FUT8: variants seen among roughly 807,000 people sequenced by gnomAD.
FUT8 encodes alpha-(1,6)-fucosyltransferase.
Under a neutral mutation model 71.3 loss-of-function variants are expected in FUT8, and 29 were observed. The ratio of observed to expected loss-of-function variants is 0.41; its 90% CI spans 0.30 to 0.55. The LOEUF (loss-of-function observed/expected upper bound fraction) is 0.55. Ranked by LOEUF, FUT8 falls within the 20% of genes least tolerant of loss-of-function variation. FUT8 has a pLI of 0.34. For synonymous variants in FUT8, 254 were observed against 239.3 expected (o/e 1.06, Z -0.57); for missense variants, 544 against 702.1 (o/e 0.77, Z 2.55).
chr14:65,504,219 T>A (rs1027407001), intron 2 of FUT8, among the ~76,000 whole-genome samples: 37 of 152,146 alleles, frequency 2.4e-4, no homozygotes, highest in Non-Finnish European at 4.1e-4. Context: ...GGATTAAAAA[T>A]TTTTTTTAAC....
chr14:65,539,202 A>G lies in FUT8; in HGVS notation c.-227-22135A>G, dbSNP rs143125077. ...GTCTACCTGTAGTGTTACCTAGGCA[A>G]TATGGATGTACACTGTATTTCATCG... On this transcript the variant is annotated intron_variant, in intron 2 of 10. Transcript: ENST00000673929. 5.0e-3 allele frequency among the ~76,000 whole-genome samples: 757 copies of G among 152,356 alleles called. 8 individuals are homozygous for G. Among genetic ancestry groups the G allele is most frequent in the African/African-American group, 0.017 (720 of 41,586 alleles).
At chr14:65,558,103 G>T (rs1885694040) in intron 2 of FUT8, among the ~76,000 whole-genome samples, 1 of 151,972 alleles carries the variant, frequency 6.6e-6, no homozygotes, top group Non-Finnish European at 1.5e-5. Context: ...GGCTGAGGCA[G>T]GTGGATCACT....
chr14:65,570,324 T>A (rs1886402099), intron 3 of FUT8, among the ~76,000 whole-genome samples: 1 of 152,034 alleles, frequency 6.6e-6, no homozygotes. Context: ...CATAGCTAGT[T>A]CAGCCTGCTC....
At chr14:65,471,646 CTCTA>C (rs1465670792) in intron 2 of FUT8, among the ~76,000 whole-genome samples, 1 of 152,088 alleles carries the variant, frequency 6.6e-6, no homozygotes, top group Non-Finnish European at 1.5e-5. Flanking sequence ...CACTGTGATT[CTCTA>C]TCTGCCTGTC....
Position 65,467,723 on chromosome 14 carries a change from C to T in FUT8, c.-228+12005C>T. 2.2e-6 allele frequency: 1 copy of T among 457,990 alleles called. No homozygotes were observed. The highest frequency in any genetic ancestry group is 5.0e-5 in the East Asian group (1 of 20,102). The allele number at this position is 457,990 out of a possible 1,614,324, so 28.4% of individuals were successfully genotyped here. A position where few individuals can be genotyped will look rare whatever the true frequency, so the allele number is the denominator to read the frequency against. On this transcript the variant is annotated intron_variant, in intron 2 of 10. Transcript: ENST00000673929. The surrounding 1 kb of genome is among the most constrained non-coding windows in gnomAD (Gnocchi z 4.1). ...ACTCCTGACCTCATGGTCTGCCCGCCTCAGCCTCCCAAAGTGCTGGGATTA... is the reference window on the plus strand; with the variant it reads ...ACTCCTGACCTCATGGTCTGCCCGCTTCAGCCTCCCAAAGTGCTGGGATTA...
intron 10 of FUT8, among the ~76,000 whole-genome samples, chr14:65,738,346 G>A (rs950024086): frequency 6.6e-6 from 1 of 152,020 alleles, no homozygotes; most frequent in Non-Finnish European, 1.5e-5. Context: ...CTCTGAGAAA[G>A]CTTTGGAGGC....
Position 65,603,523 on chromosome 14 carries a change from G to A in FUT8, c.204-12455G>A, listed in dbSNP as rs1171885627. The stretch of plus-strand genomic sequence containing the variant: ...TTTTCTAATTCTGTAAAGAATGATG[G>A]CGGTATTTTGATGGGGATTGCATTG... On this transcript the variant is annotated intron_variant, in intron 3 of 10. Transcript: ENST00000673929. The surrounding 1 kb of genome is among the most constrained non-coding windows in gnomAD (Gnocchi z 4.5). 2.0e-5 allele frequency among the ~76,000 whole-genome samples: 3 copies of A among 151,602 alleles called. No homozygotes were observed. The highest frequency in any genetic ancestry group is 7.3e-5 in the African/African-American group (3 of 41,306).
At chr14:65,394,849 G>A in the FUT8 span, among the ~76,000 whole-genome samples, 2 of 151,266 alleles carry the variant, frequency 1.3e-5, no homozygotes, top group Admixed American at 6.6e-5. Context: ...AGGTTCAAGC[G>A]ATTCTTCTGC....
intron 7 of FUT8, among the ~76,000 whole-genome samples, chr14:65,697,807 C>A (rs1276503769): frequency 6.6e-6 from 1 of 152,060 alleles, no homozygotes; most frequent in Non-Finnish European, 1.5e-5. Flanking sequence ...AACCCCATTT[C>A]TACTAAAAAT....
rs2065174877 is a variant in FUT8, at chr14:65,413,635, G to C, written c.-326+421G>C. Among the ~76,000 whole-genome samples the C allele has an allele frequency of 2.0e-5, 3 of 152,226 alleles. No homozygotes were observed. In the South Asian group the frequency reaches 6.2e-4, roughly 31 times the overall value. On this transcript the variant is annotated intron_variant, in intron 1 of 10. Transcript: ENST00000673929. The surrounding 1 kb of genome is among the most constrained non-coding windows in gnomAD (Gnocchi z 4.1). ...GGTCCCTGGAGTCGCGGTTTGTGGG[G>C]AGGAAGATGCCCGTGCGTTATGGGC...
chr14:65,549,367 T>C (rs1885155490), intron 2 of FUT8, among the ~76,000 whole-genome samples: 2 of 152,274 alleles, frequency 1.3e-5, no homozygotes, highest in Non-Finnish European at 2.9e-5. Flanking sequence ...TACTAGATTG[T>C]ATTTTTTTCT....
In FUT8 at chr14:65,652,380, C is replaced by A. The variant is rs1170717490; in HGVS notation, c.598-16863C>A. ...GTGGGAACGTCAGAGAAATGTTTTT[C>A]TTTCTGATAAAAATGGAGAGCACAT... is the stretch of plus-strand genomic sequence containing the variant. On this transcript the variant is annotated intron_variant, in intron 6 of 10. Transcript: ENST00000673929. This position sits in a 1 kb window ranked among gnomAD's most constrained non-coding sequence, Gnocchi z 4.0. Among the ~76,000 whole-genome samples the A allele has an allele frequency of 6.6e-6, 1 of 152,118 alleles. No individual in the cohort carries two copies. The highest frequency in any genetic ancestry group is 2.4e-5 in the African/African-American group (1 of 41,410).
intron 1 of FUT8, among the ~76,000 whole-genome samples, chr14:65,418,651 G>A (rs1221600505): frequency 2.0e-5 from 3 of 152,206 alleles, no homozygotes; most frequent in African/African-American, 7.2e-5. Context: ...CATACTGGTT[G>A]ATGAGCTTGC....
At chr14:65,399,368 C>G in the FUT8 span, among the ~76,000 whole-genome samples, 2 of 152,138 alleles carry the variant, frequency 1.3e-5, no homozygotes, top group African/African-American at 4.8e-5. Flanking sequence ...ACAATCAAAA[C>G]AGACCACTGA....
At chr14:65,580,368 G>A (rs564445117) in intron 3 of FUT8, among the ~76,000 whole-genome samples, 1 of 151,518 alleles carries the variant, frequency 6.6e-6, no homozygotes, top group African/African-American at 2.4e-5. Context: ...ATATAATCTT[G>A]TGGGCCTACT....
chr14:65,599,596 C>T, intron 3 of FUT8, among the ~76,000 whole-genome samples: 1 of 152,174 alleles, frequency 6.6e-6, no homozygotes, highest in East Asian at 1.9e-4. Context: ...ACTTAGATTC[C>T]AGGATACATT....
intron 2 of FUT8, among the ~76,000 whole-genome samples, chr14:65,510,124 T>G (rs1882237002): frequency 6.6e-6 from 1 of 152,138 alleles, no homozygotes; most frequent in African/African-American, 2.4e-5. Flanking sequence ...ACTCATGTTT[T>G]TGAGGGTTTT....
In FUT8 at chr14:65,570,807, G is replaced by A. The variant is rs182777388; in HGVS notation, c.203+9041G>A. ...ACTCTATATTTGAGTCCTAGTGGACGAACTGTAACCTAACTTAATAGGTAG... is the reference window on the plus strand; with the variant it reads ...ACTCTATATTTGAGTCCTAGTGGACAAACTGTAACCTAACTTAATAGGTAG... On this transcript the variant is annotated intron_variant, in intron 3 of 10. Transcript: ENST00000673929. Among the ~76,000 whole-genome samples, 25 of 152,234 alleles carry A rather than the reference G, an allele frequency of 1.6e-4. No individual in the cohort carries two copies. In the East Asian group the frequency reaches 4.6e-3, roughly 28 times the overall value.
chr14:65,415,928 A>G (rs1484433555), intron 1 of FUT8, among the ~76,000 whole-genome samples: 2 of 152,174 alleles, frequency 1.3e-5, no homozygotes, highest in Non-Finnish European at 2.9e-5. Context: ...TTCCATTCAC[A>G]TATTCTTTAA....
Sources: allele counts gnomAD v4.1 joint callset (sites outside exome capture counted in the v4.1 genomes callset), GRCh38; gene constraint gnomAD v4.1.1; non-coding constraint Gnocchi (gnomAD v3.1); transcripts MANE v1.5; gene names NCBI Gene and HGNC (gene_info 2026-07-23, HGNC 2026-07-21).